The following SHROOM4 variants were observed in gnomAD, a reference collection of about 807,000 sequenced individuals.
SHROOM4 encodes the protein protein Shroom4.
Under a neutral mutation model 80.3 loss-of-function variants are expected in SHROOM4, and 17 were observed. The ratio of observed to expected loss-of-function variants is 0.21; its 90% confidence interval spans 0.14 to 0.32. The LOEUF (loss-of-function observed/expected upper bound fraction) is 0.32, where lower values mean the gene tolerates loss of function less well. Among genes scored for constraint, SHROOM4 ranks in the 10% least tolerant of loss-of-function variants. SHROOM4 has a pLI of 1.00. For missense variants in SHROOM4, 993 were observed against 1,140.3 expected (o/e 0.87, Z 1.86); for synonymous variants, 400 against 437.5 (o/e 0.91, Z 1.07).
intron 1 of SHROOM4, among the ~76,000 whole-genome samples, chrX:50,705,998 AC>A: frequency 3.0e-5 from 3 of 99,493 alleles, no homozygotes; most frequent in Middle Eastern, 0.011. Flanking sequence ...CTACACACAC[AC>A]ACACACACAC....
At chrX:50,802,880 A>G (rs1363593585) in intron 1 of SHROOM4, among the ~76,000 whole-genome samples, 1 of 112,237 alleles carries the variant, frequency 8.9e-6, no homozygotes, top group Admixed American at 9.4e-5. Flanking sequence ...CTAGTCTGCA[A>G]GAATCAAGAA....
chrX:50,627,351 T>C (rs868985120), intron 5 of SHROOM4, among the ~76,000 whole-genome samples: 5 of 111,506 alleles, frequency 4.5e-5, no homozygotes, highest in African/African-American at 1.6e-4. Flanking sequence ...GACCAAGGTA[T>C]GGTGTCCTCT....
chrX:50,629,219 G>A (rs1345578023), intron 4 of SHROOM4, among the ~76,000 whole-genome samples: 1 of 111,107 alleles, frequency 9.0e-6, no homozygotes, highest in Non-Finnish European at 1.9e-5. Context: ...TATCCCCACC[G>A]CTTGCTGCAA....
intron 2 of SHROOM4, chrX:50,643,555 A>C (rs1931699065): frequency 8.9e-6 from 1 of 112,042 alleles, no homozygotes; most frequent in African/African-American, 3.2e-5. Flanking sequence ...AGGTATGACC[A>C]TCAGCCTGGA....
intron 5 of SHROOM4, among the ~76,000 whole-genome samples, chrX:50,622,782 T>C (rs1472417769): frequency 8.9e-6 from 1 of 112,498 alleles, no homozygotes; most frequent in African/African-American, 3.2e-5. Context: ...CCTTCTCATG[T>C]TTCCTGAGAC....
intron 1 of SHROOM4, among the ~76,000 whole-genome samples, chrX:50,789,476 A>G (rs1935813088): frequency 8.9e-6 from 1 of 111,917 alleles, no homozygotes; most frequent in Non-Finnish European, 1.9e-5. Context: ...TAGAATGTAC[A>G]AAACCGATGG....
chrX:50,581,047 C>T, the SHROOM4 span, among the ~76,000 whole-genome samples: 1 of 111,425 alleles, frequency 9.0e-6, no homozygotes, highest in Non-Finnish European at 1.9e-5. Flanking sequence ...CTACTATAAG[C>T]AAAACTGGAC....
chrX:50,590,792 C>CCCATTTTT lies in SHROOM4; in HGVS notation c.*5895_*5902dup, dbSNP rs1481975876. Among the ~76,000 whole-genome samples the CCCATTTTT allele has an allele frequency of 8.9e-6, 1 of 112,292 alleles. No homozygotes were observed. Among genetic ancestry groups the CCCATTTTT allele is most frequent in the Non-Finnish European group, 1.9e-5 (1 of 53,259 alleles). On this transcript the variant is annotated 3_prime_UTR_variant, in exon 9 of 9. Transcript: ENST00000376020. Reference sequence around the variant, plus strand: ...AGAAATGTCTATTACAATCTGTTAACCCATTTTTAATTGGTTATTTTTATC... The same window carrying CCCATTTTT: ...AGAAATGTCTATTACAATCTGTTAACCCATTTTTCCATTTTTAATTGGTTATTTTTATC...
chrX:50,661,819 T>C (rs974213004), intron 2 of SHROOM4, among the ~76,000 whole-genome samples: 3 of 111,848 alleles, frequency 2.7e-5, no homozygotes, highest in Non-Finnish European at 5.6e-5. Flanking sequence ...GTGTAGAAAT[T>C]TAACATGCAG....
intron 2 of SHROOM4, among the ~76,000 whole-genome samples, chrX:50,662,217 T>C (rs1018233922): frequency 8.9e-6 from 1 of 111,890 alleles, no homozygotes; most frequent in Non-Finnish European, 1.9e-5. Context: ...AGAAGTGTTA[T>C]GCGTCAGGCG....
chrX:50,800,950 T>C (rs1276229463), intron 1 of SHROOM4, among the ~76,000 whole-genome samples: 1 of 110,096 alleles, frequency 9.1e-6, no homozygotes, highest in Non-Finnish European at 1.9e-5. Context: ...CCCTTTCCCA[T>C]CTGAGCTCAC....
chrX:50,805,483 C>T (rs782134221), intron 1 of SHROOM4, among the ~76,000 whole-genome samples: 1 of 111,888 alleles, frequency 8.9e-6, no homozygotes, highest in Non-Finnish European at 1.9e-5. Context: ...TCCCACCTCC[C>T]GCATTCCTCA....
chrX:50,611,332 A>T (rs961896321), intron 5 of SHROOM4, among the ~76,000 whole-genome samples: 1 of 108,424 alleles, frequency 9.2e-6, no homozygotes, highest in Admixed American at 9.7e-5. Flanking sequence ...TTGTATTTTT[A>T]GTAGAGACGG....
At chrX:50,667,560 G>A in intron 2 of SHROOM4, among the ~76,000 whole-genome samples, 1 of 111,013 alleles carries the variant, frequency 9.0e-6, no homozygotes, top group Non-Finnish European at 1.9e-5. Context: ...ACAAACATAA[G>A]ATGACTCTCA....
intron 1 of SHROOM4, among the ~76,000 whole-genome samples, chrX:50,754,771 A>T (rs782740134): frequency 8.9e-6 from 1 of 111,961 alleles, no homozygotes; most frequent in East Asian, 2.8e-4. Context: ...TGACGTGCCA[A>T]ACCCTCAGGA....
chrX:50,691,699 C>A (rs1404869523), intron 2 of SHROOM4, among the ~76,000 whole-genome samples: 1 of 111,612 alleles, frequency 9.0e-6, no homozygotes, highest in African/African-American at 3.3e-5. Flanking sequence ...CAAGCCCAGA[C>A]CTAAAGCTAA....
At chrX:50,620,801 A>G (rs1372288229) in intron 5 of SHROOM4, among the ~76,000 whole-genome samples, 1 of 111,104 alleles carries the variant, frequency 9.0e-6, no homozygotes, top group Non-Finnish European at 1.9e-5. Flanking sequence ...TACTCCCTTT[A>G]TTGCCTCATG....
intron 1 of SHROOM4, among the ~76,000 whole-genome samples, chrX:50,717,934 G>C (rs1370297052): frequency 8.9e-6 from 1 of 111,843 alleles, no homozygotes; most frequent in Non-Finnish European, 1.9e-5. Context: ...CCCTTCCAAG[G>C]ACACTGGAAA....
rs189605756 is a variant in SHROOM4, at chrX:50,672,543, A to T, written c.269+23243T>A. Among the ~76,000 whole-genome samples, 9 of 111,693 alleles carry T rather than the reference A, an allele frequency of 8.1e-5. No individual in the cohort carries two copies. The South Asian group carries it at 1.5e-3, about 19-fold the overall frequency. ...AAACAGAGCCTCAGGGATCTTTGGG[A>T]CCATGCCAAAAGATCTAACATTCAT... On this transcript the variant is annotated intron_variant, in intron 2 of 8. Coordinates refer to ENST00000376020, the MANE Select transcript of SHROOM4 (RefSeq NM_020717.5).
Sources: gnomAD v4.1 joint callset for allele counts (sites outside exome capture counted in the v4.1 genomes callset) on GRCh38, gnomAD v4.1.1 for gene constraint, MANE v1.5 for transcripts, NCBI Gene and HGNC (gene_info 2026-07-23, HGNC 2026-07-21) for gene names.